ZC3H18: variants seen among roughly 807,000 people sequenced by gnomAD.
ZC3H18 encodes the protein zinc finger CCCH domain-containing protein 18.
A neutral mutation model predicts 106.1 loss-of-function variants in ZC3H18; 8 were observed. The observed-to-expected ratio is 0.08, with a 90% confidence interval of 0.04 to 0.14. The LOEUF (loss-of-function observed/expected upper bound fraction) is 0.14, where lower values mean the gene tolerates loss of function less well. ZC3H18 is among the 10% of genes least tolerant of loss of function. The pLI is 1.00. For missense variants in ZC3H18, 1,318 were observed against 1,278.4 expected, an observed-to-expected ratio of 1.03 and a Z score of -0.47; for synonymous variants, 635 against 522.1, an observed-to-expected ratio of 1.22 and a Z score of -2.95.
In ZC3H18 at chr16:88,630,076, C is replaced by T. The variant is rs534146723; in HGVS notation, c.2567-409C>T. On this transcript the variant is annotated intron_variant, in intron 16 of 17. Coordinates refer to ENST00000301011, the MANE Select transcript of ZC3H18 (RefSeq NM_144604.4). ...GGGCCTGCGCTGGGCAGTGGCCCCC[C>T]CCTCGGTTGCCGCGCCTCCCTCCTA... 2.8e-5 allele frequency: 5 copies of T among 177,504 alleles called. 1 individual carries two copies. The South Asian group carries it at 3.5e-4, about 12-fold the overall frequency. The allele number at this position is 177,504 out of a possible 1,614,324, so 11.0% of individuals were successfully genotyped here. A position where few individuals can be genotyped will look rare whatever the true frequency, so the allele number is the denominator to read the frequency against.
chr16:88,623,403 G>T, intron 10 of ZC3H18, 59 bp downstream of exon 10: 1 of 1,590,482 alleles, frequency 6.3e-7, no homozygotes, highest in South Asian at 1.1e-5. Context: ...GGGCACCTGC[G>T]GATGTGGCTT....
At chr16:88,619,275 A>G (rs1905811819) in intron 8 of ZC3H18, among the ~76,000 whole-genome samples, 1 of 152,160 alleles carries the variant, frequency 6.6e-6, no homozygotes. Flanking sequence ...CTCTGTCTCA[A>G]AAAAAAGAAA....
chr16:88,628,645 G>A (rs1356134121), intron 15 of ZC3H18, 113 bp from the exon 16 acceptor site: 1 of 1,138,726 alleles, frequency 8.8e-7, no homozygotes, highest in Admixed American at 1.8e-5. Context: ...GGTGTGTGGT[G>A]GGACCTTTGG....
At chr16:88,587,215 C>T (rs1162570478) in intron 3 of ZC3H18, among the ~76,000 whole-genome samples, 4 of 152,140 alleles carry the variant, frequency 2.6e-5, no homozygotes, top group Non-Finnish European at 5.9e-5. Flanking sequence ...CAGCAGGGGA[C>T]AGTGTAAGAA....
chr16:88,613,685 TTTATTA>T (rs973657478), intron 8 of ZC3H18, among the ~76,000 whole-genome samples: 1 of 152,232 alleles, frequency 6.6e-6, no homozygotes, highest in African/African-American at 2.4e-5. Context: ...TTTTTTGTTT[TTTATTA>T]TTGAGTGGTA....
At chr16:88,625,018 G>T (rs567650623) in intron 12 of ZC3H18, among the ~76,000 whole-genome samples, 184 bp from the exon 13 acceptor site, 1 of 152,296 alleles carries the variant, frequency 6.6e-6, no homozygotes, top group East Asian at 1.9e-4. Flanking sequence ...TGCTGCCCCC[G>T]AGAGACTGTA....
chr16:88,595,471 T>C (rs531014124), intron 3 of ZC3H18, among the ~76,000 whole-genome samples: 1 of 96,372 alleles, frequency 1.0e-5, no homozygotes, highest in African/African-American at 3.6e-5. Context: ...AATTTCTTTC[T>C]TTCTTTTTTT....
In ZC3H18 at chr16:88,577,649, G is replaced by A. The variant is rs1914848300; in HGVS notation, c.526G>A (p.Glu176Lys). 6.2e-7 allele frequency: 1 copy of A among 1,613,882 alleles called. No individual in the cohort carries two copies. The highest frequency in any genetic ancestry group is 1.7e-5 in the Admixed American group (1 of 60,004). The change falls in exon 2 of 18, where the codon GAA becomes AAA. Residue 176 changes from glutamate (E) to lysine (K), a missense_variant. Physicochemically the swap from Glu to Lys is moderately conservative, Grantham distance 56. This residue lies in a region of ZC3H18 where 346 missense variants were observed against 269.0 expected (regional missense o/e 1.29). Coordinates refer to ENST00000301011, the MANE Select transcript of ZC3H18 (RefSeq NM_144604.4). ...GAAGGCTGGTGTTCAGAGTGTGGGAGAAAAGGAATCCCTGGAGGCTGCCAA... is the reference window on the plus strand; with the variant it reads ...GAAGGCTGGTGTTCAGAGTGTGGGAAAAAAGGAATCCCTGGAGGCTGCCAA... ...EGKAGVQSVG[E>K]KESLEAAKEK...
chr16:88,571,779 G>T (rs776959949), intron 1 of ZC3H18: 3 of 709,668 alleles, frequency 4.2e-6, no homozygotes, highest in Non-Finnish European at 5.2e-6. Flanking sequence ...TAGTGGTCAC[G>T]CTTGGTCACT....
intron 6 of ZC3H18, among the ~76,000 whole-genome samples, chr16:88,604,138 G>T (rs1904893438): frequency 1.3e-5 from 2 of 152,078 alleles, no homozygotes; most frequent in Admixed American, 6.6e-5. Flanking sequence ...GATCAGTTGA[G>T]CTCGGGAGTT....
chr16:88,598,071 G>T (rs1904537651), intron 3 of ZC3H18, 107 bp from the exon 4 acceptor site: 1 of 774,924 alleles, frequency 1.3e-6, no homozygotes, highest in Non-Finnish European at 2.0e-6. Flanking sequence ...TCGCCATCAG[G>T]CCTGGGTAAA....
chr16:88,611,218 G>C, intron 7 of ZC3H18, 50 bp from the exon 8 acceptor site: 1 of 723,110 alleles, frequency 1.4e-6, no homozygotes, highest in Non-Finnish European at 2.6e-6. Context: ...CAGTGCCTCT[G>C]TCACCCAAAT....
Position 88,628,832 on chromosome 16 carries a change from G to C in ZC3H18, c.2544G>C (p.Arg848=). ...KDRQSPPPAK[R]PNTSPDRGSR... ...GGCAGAGCCCTCCTCCAGCCAAGCG[G>C]CCCAACACATCCCCAGACCGAGGTG... Residue 848 remains arginine (R), a synonymous_variant, in exon 16 of 18, where the codon CGG becomes CGC. Transcript: ENST00000301011. 1 of 1,614,046 alleles carries C rather than the reference G, an allele frequency of 6.2e-7. No homozygotes were observed. Among genetic ancestry groups the C allele is most frequent in the Non-Finnish European group, 8.5e-7 (1 of 1,179,958 alleles).
At chr16:88,573,967 G>A (rs1489712808) in intron 1 of ZC3H18, among the ~76,000 whole-genome samples, 2 of 151,364 alleles carry the variant, frequency 1.3e-5, no homozygotes, top group African/African-American at 4.9e-5. Flanking sequence ...CCGCCCCCCC[G>A]AGTTCAAGCA....
chr16:88,625,164 G>T (rs1234361551), intron 12 of ZC3H18, 38 bp from the exon 13 acceptor site: 1 of 1,554,994 alleles, frequency 6.4e-7, no homozygotes, highest in Non-Finnish European at 8.7e-7. Flanking sequence ...GGCTGTGGAG[G>T]CCACGCCCCC....
chr16:88,600,372 T>G (rs1158651385), intron 6 of ZC3H18, among the ~76,000 whole-genome samples: 1 of 152,212 alleles, frequency 6.6e-6, no homozygotes, highest in Non-Finnish European at 1.5e-5. Flanking sequence ...CTGTTCTGCC[T>G]TCACTGCTTC....
At chr16:88,578,047 T>C (rs1914873120) in intron 2 of ZC3H18, among the ~76,000 whole-genome samples, 1 of 152,252 alleles carries the variant, frequency 6.6e-6, no homozygotes, top group Non-Finnish European at 1.5e-5. Context: ...GAAGGGTTAA[T>C]GTCTGTCCTT....
At position 88,611,256 on chromosome 16, in the gene ZC3H18, T is replaced by C. The variant is rs1905254494; in HGVS notation, c.1207-12T>C. On this transcript the variant is annotated splice_polypyrimidine_tract_variant and intron_variant, in intron 7 of 17. Coordinates refer to ENST00000301011, the MANE Select transcript of ZC3H18 (RefSeq NM_144604.4). ...CGCACGGTGTCCCCATGTGTTTGGC[T>C]TTTTAACAAAGGAAAGGGAGCGGGA... The C allele has an allele frequency of 1.3e-6, 1 of 763,070 alleles. No homozygotes were observed. Among genetic ancestry groups the C allele is most frequent in the Admixed American group, 1.8e-5 (1 of 55,748 alleles). 47.3% of individuals were successfully genotyped at this position (763,070 alleles called of 1,614,324 possible).
intron 5 of ZC3H18, among the ~76,000 whole-genome samples, chr16:88,599,275 A>G (rs1904619565): frequency 6.6e-6 from 1 of 152,166 alleles, no homozygotes; most frequent in African/African-American, 2.4e-5. Context: ...GAAAACTTGG[A>G]GCTTTCTGGT....
Sources: allele counts gnomAD v4.1 joint callset (sites outside exome capture counted in the v4.1 genomes callset), GRCh38; gene constraint gnomAD v4.1.1; regional missense constraint gnomAD v4.1.1; transcripts MANE v1.5; gene names NCBI Gene and HGNC (gene_info 2026-07-23, HGNC 2026-07-21).